AGBL4: variants seen among roughly 807,000 people sequenced by gnomAD.
AGBL4 encodes AGBL carboxypeptidase 4.
In AGBL4, 58 loss-of-function variants were observed where a neutral mutation model predicts 66.4. The observed-to-expected ratio is 0.87, with a 90% CI of 0.71 to 1.09. The LOEUF (loss-of-function observed/expected upper bound fraction) is 1.09, where lower values mean the gene tolerates loss of function less well. Among genes scored for constraint, AGBL4 ranks in the 50% least tolerant of loss-of-function variants. The pLI, the probability that AGBL4 is intolerant of heterozygous loss-of-function variation, is 0.00. For missense variants in AGBL4, 579 were observed against 631.0 expected, an observed-to-expected ratio of 0.92 and a Z score of 0.88; for synonymous variants, 234 against 222.9, an observed-to-expected ratio of 1.05 and a Z score of -0.44.
In AGBL4 at chr1:48,534,111, T is replaced by A; in HGVS notation, c.*62A>T. 1 of 1,550,070 alleles carries A rather than the reference T, an allele frequency of 6.5e-7. No individual in the cohort carries two copies. Among genetic ancestry groups the A allele is most frequent in the East Asian group, 2.4e-5 (1 of 40,884 alleles). On this transcript the variant is annotated 3_prime_UTR_variant, in exon 14 of 14. Coordinates refer to ENST00000371839, the MANE Select transcript of AGBL4 (RefSeq NM_032785.4). ...TGGAAGCTAGAGAAGAGTGATTAAT[T>A]TCATTCCCCAGCAGAAAATGCATGC...
intron 5 of AGBL4, among the ~76,000 whole-genome samples, chr1:48,888,818 C>T (rs552595293): frequency 2.6e-5 from 4 of 152,262 alleles, no homozygotes; most frequent in African/African-American, 7.2e-5. Context: ...ATCCCCAGAA[C>T]CCAAATGGTG....
chr1:49,465,210 TACACACACAC>T (rs3054630), intron 3 of AGBL4, among the ~76,000 whole-genome samples: 1,398 of 116,830 alleles, frequency 0.012, 14 homozygotes, highest in Middle Eastern at 0.044. Context: ...TACCCCTACA[TACACACACAC>T]ACACACACAC....
At chr1:49,865,699 T>A (rs1039621335) in intron 1 of AGBL4, among the ~76,000 whole-genome samples, 1 of 152,070 alleles carries the variant, frequency 6.6e-6, no homozygotes, top group African/African-American at 2.4e-5. Flanking sequence ...GTTCCTCCTC[T>A]CCTCCAAATG....
intron 3 of AGBL4, among the ~76,000 whole-genome samples, chr1:49,347,224 A>G (rs1160408999): frequency 1.3e-5 from 2 of 151,086 alleles, no homozygotes; most frequent in Non-Finnish European, 2.9e-5. Flanking sequence ...ATGTCTATGA[A>G]GTAGCCATTT....
rs1413373417 is a variant in AGBL4 at position 49,010,560 on chromosome 1, T to C, written c.594+35024A>G. On this transcript the variant is annotated intron_variant, in intron 5 of 13. Transcript: ENST00000371839. Reference sequence around the variant, plus strand: ...AGTTCATATGGAACCAAAAAAGAGCTCGCATCGCCAAGTCAATCCTAAGCC... The same window carrying C: ...AGTTCATATGGAACCAAAAAAGAGCCCGCATCGCCAAGTCAATCCTAAGCC... Among the ~76,000 whole-genome samples, 7 of 139,574 alleles carry C rather than the reference T, an allele frequency of 5.0e-5. No individual in the cohort carries two copies. In the South Asian group the frequency reaches 1.2e-3, roughly 24 times the overall value. The allele number at this position is 139,574 out of a possible 152,430, so 91.6% of individuals were successfully genotyped here.
At chr1:48,809,325 T>C (rs1645998370) in intron 6 of AGBL4, among the ~76,000 whole-genome samples, 1 of 152,122 alleles carries the variant, frequency 6.6e-6, no homozygotes, top group African/African-American at 2.4e-5. Flanking sequence ...GTGACTTTGG[T>C]TGTGATAGTA....
rs530111711 is a variant in AGBL4, at chr1:49,768,535, A to G, written c.158-71098T>C. On this transcript the variant is annotated intron_variant, in intron 2 of 13. Coordinates refer to ENST00000371839, the MANE Select transcript of AGBL4 (RefSeq NM_032785.4). ...TCAAAAGAGCACACATCCAAATGAT[A>G]AGAGCCATCTATGACAAACCCATAG... 3.9e-5 allele frequency among the ~76,000 whole-genome samples: 6 copies of G among 152,318 alleles called. No individual in the cohort carries two copies. In the East Asian group the frequency reaches 9.7e-4, roughly 25 times the overall value.
intron 6 of AGBL4, among the ~76,000 whole-genome samples, chr1:48,676,421 C>T (rs1331673772): frequency 6.6e-6 from 1 of 152,188 alleles, no homozygotes; most frequent in African/African-American, 2.4e-5. Context: ...TGAGCCCAGG[C>T]AAGTTACTTC....
At chr1:48,721,701 G>A (rs1161368892) in intron 6 of AGBL4, among the ~76,000 whole-genome samples, 1 of 152,202 alleles carries the variant, frequency 6.6e-6, no homozygotes, top group Admixed American at 6.5e-5. Flanking sequence ...CAGTGGCCAA[G>A]GCCTGGGCTG....
chr1:49,811,647 G>A (rs1645105215), intron 2 of AGBL4, among the ~76,000 whole-genome samples: 1 of 151,994 alleles, frequency 6.6e-6, no homozygotes, highest in Non-Finnish European at 1.5e-5. Context: ...TAGAGATGGG[G>A]TGTCGCTATG....
At chr1:49,851,900 T>C (rs1463297855) in intron 1 of AGBL4, among the ~76,000 whole-genome samples, 2 of 152,170 alleles carry the variant, frequency 1.3e-5, no homozygotes, top group East Asian at 3.8e-4. Context: ...ATTTAATATA[T>C]AAATAATTCA....
chr1:49,756,334 C>T (rs953724519), intron 2 of AGBL4, among the ~76,000 whole-genome samples: 3 of 152,048 alleles, frequency 2.0e-5, no homozygotes, highest in African/African-American at 7.2e-5. Flanking sequence ...AAAAAAAAGC[C>T]CTGAGCCTAG....
At chr1:49,395,533 A>AGTGTGTGTGTGT (rs149386987) in intron 3 of AGBL4, among the ~76,000 whole-genome samples, 73 of 139,404 alleles carry the variant, frequency 5.2e-4, no homozygotes, top group African/African-American at 1.8e-3. Flanking sequence ...GCCAAACACT[A>AGTGTGTGTGTGT]GTGTGTGTGT....
chr1:49,178,000 C>T (rs891232544), intron 4 of AGBL4, among the ~76,000 whole-genome samples: 7 of 152,076 alleles, frequency 4.6e-5, no homozygotes, highest in African/African-American at 1.7e-4. Context: ...AGTTAGAGGG[C>T]TGTGGTGAAC....
chr1:49,590,159 C>A (rs1571119767), intron 3 of AGBL4, among the ~76,000 whole-genome samples: 1 of 152,040 alleles, frequency 6.6e-6, no homozygotes, highest in East Asian at 1.9e-4. Flanking sequence ...TGAGACCTAG[C>A]TTCATTGATC....
At chr1:49,956,767 A>G (rs1239404941) in intron 1 of AGBL4, among the ~76,000 whole-genome samples, 1 of 151,978 alleles carries the variant, frequency 6.6e-6, no homozygotes, top group African/African-American at 2.4e-5. Flanking sequence ...ATAAGGAGAC[A>G]AATATCCTTT....
At chr1:49,322,772 G>T (rs1645153989) in intron 3 of AGBL4, among the ~76,000 whole-genome samples, 1 of 152,142 alleles carries the variant, frequency 6.6e-6, no homozygotes, top group Non-Finnish European at 1.5e-5. Context: ...CTGGCCTCCA[G>T]AACTATGAGA....
chr1:48,813,970 T>C (rs2148761265), intron 6 of AGBL4, among the ~76,000 whole-genome samples: 1 of 152,188 alleles, frequency 6.6e-6, no homozygotes, highest in Non-Finnish European at 1.5e-5. Flanking sequence ...ATAATAATAA[T>C]AACTAACTTC....
At chr1:49,270,539 G>A (rs1644034487) in intron 3 of AGBL4, among the ~76,000 whole-genome samples, 1 of 152,026 alleles carries the variant, frequency 6.6e-6, no homozygotes, top group African/African-American at 2.4e-5. Context: ...GTCTGTCACT[G>A]GTGGCTCCTC....
Sources: allele counts gnomAD v4.1 joint callset (sites outside exome capture counted in the v4.1 genomes callset), GRCh38; gene constraint gnomAD v4.1.1; transcripts MANE v1.5; gene names NCBI Gene and HGNC (gene_info 2026-07-23, HGNC 2026-07-21).